KIF5C: variants seen among roughly 807,000 people sequenced by gnomAD.
KIF5C encodes kinesin heavy chain isoform 5C.
A neutral mutation model predicts 125.2 loss-of-function variants in KIF5C; 18 were observed. That is an observed-to-expected ratio of 0.14 (90% CI 0.10 to 0.21). KIF5C has a LOEUF of 0.21. Ranked by LOEUF, KIF5C falls within the 10% of genes least tolerant of loss-of-function variation. The pLI is 1.00. For missense variants in KIF5C, 780 were observed against 1,183.8 expected (o/e 0.66, Z 5.01); for synonymous variants, 405 against 434.0 (o/e 0.93, Z 0.83).
At chr2:148,884,435 T>A (rs2105038602) in intron 1 of KIF5C, 1 of 152,268 alleles carries the variant, frequency 6.6e-6, no homozygotes, top group East Asian at 1.9e-4. Flanking sequence ...CCCCCTTGAT[T>A]CCTAGACTCT....
intron 25 of KIF5C, among the ~76,000 whole-genome samples, chr2:149,019,251 G>A (rs561485514): frequency 6.6e-6 from 1 of 152,166 alleles, no homozygotes; most frequent in Non-Finnish European, 1.5e-5. Flanking sequence ...CATAGTGCCC[G>A]TATCACAGGC....
At chr2:149,020,211 G>A (rs761922807) in intron 25 of KIF5C, 3 of 152,174 alleles carry the variant, frequency 2.0e-5, no homozygotes, top group Non-Finnish European at 2.9e-5. Context: ...GGATGGATGA[G>A]AGCATCCTGC....
At chr2:148,984,899 A>T (rs57882013) in intron 15 of KIF5C, among the ~76,000 whole-genome samples, 5,511 of 152,168 alleles carry the variant, frequency 0.036, 295 homozygotes, top group African/African-American at 0.12. Context: ...CAACCAATTC[A>T]TGTGCCTCAG....
rs1290100586 is a variant in KIF5C at position 148,949,753 on chromosome 2, C to A, written c.715-86C>A. 6.7e-6 allele frequency: 10 copies of A among 1,500,502 alleles called. No homozygotes were observed. The African/African-American group carries it at 9.8e-5, about 15-fold the overall frequency. 92.9% of individuals were successfully genotyped at this position (1,500,502 alleles called of 1,614,324 possible). A position where few individuals can be genotyped will look rare whatever the true frequency, so the allele number is the denominator to read the frequency against. On this transcript the variant is annotated intron_variant, in intron 8 of 25. Transcript: ENST00000435030. ...TTTCCTTGCTTTCCAGGAGGCTGTC[C>A]CCCTTTGCCCTCGTGTGAATTTGAA...
intron 1 of KIF5C, among the ~76,000 whole-genome samples, chr2:148,890,582 AG>A (rs1681681041): frequency 1.3e-5 from 2 of 152,294 alleles, no homozygotes; most frequent in South Asian, 4.1e-4. Context: ...CTGAGTATAG[AG>A]GAGAGAGCAA....
intron 10 of KIF5C, among the ~76,000 whole-genome samples, chr2:148,960,750 G>T (rs1424424695): frequency 2.6e-5 from 4 of 152,238 alleles, no homozygotes; most frequent in African/African-American, 9.6e-5. Context: ...GATGTCATTT[G>T]CTGACAACGG....
chr2:148,895,876 C>CACA (rs1558876307), intron 1 of KIF5C, among the ~76,000 whole-genome samples: 1,299 of 27,138 alleles, frequency 0.048, 18 homozygotes, highest in African/African-American at 0.086. Context: ...ACACACACAC[C>CACA]CACAGAGATC....
chr2:149,011,387 C>T (rs1278085727), intron 24 of KIF5C, among the ~76,000 whole-genome samples, 183 bp from the exon 25 acceptor site: 3 of 152,174 alleles, frequency 2.0e-5, no homozygotes, highest in Non-Finnish European at 2.9e-5. Flanking sequence ...TATTTGGATG[C>T]CTTGGATTTG....
chr2:149,016,260 G>A (rs550061728), intron 25 of KIF5C, among the ~76,000 whole-genome samples: 1 of 152,296 alleles, frequency 6.6e-6, no homozygotes, highest in South Asian at 2.1e-4. Flanking sequence ...GGGCCACTGG[G>A]GCTGTGGGCG....
At chr2:148,947,913 C>A (rs73009506) in intron 8 of KIF5C, 319 of 456,762 alleles carry the variant, frequency 7.0e-4, no homozygotes, top group African/African-American at 5.6e-3. Flanking sequence ...ACTTATTGCA[C>A]TACATCACTG....
intron 1 of KIF5C, among the ~76,000 whole-genome samples, chr2:148,908,271 G>A (rs931462890): frequency 6.6e-6 from 1 of 152,196 alleles, no homozygotes; most frequent in Non-Finnish European, 1.5e-5. Flanking sequence ...CCCACAGTCT[G>A]CACATTCTTT....
intron 1 of KIF5C, chr2:148,878,866 G>A (rs1681268898): frequency 6.6e-6 from 1 of 152,164 alleles, no homozygotes; most frequent in South Asian, 2.1e-4. Flanking sequence ...AATTTTGGTG[G>A]AGTTATCTGT....
rs780385157 is a variant in KIF5C at position 149,010,377 on chromosome 2, G to A, written c.2767+26G>A. The A allele has an allele frequency of 5.3e-6, 8 of 1,518,036 alleles. No individual in the cohort carries two copies. The East Asian group carries it at 1.7e-4, about 32-fold the overall frequency. 94.0% of individuals were successfully genotyped at this position (1,518,036 alleles called of 1,614,324 possible). ...GTACGTGCGTGCACAGTGGCGCCCG[G>A]GGTTTGAGAAGCTACTGCGGCCTCT... On this transcript the variant is annotated intron_variant, in intron 24 of 25. Transcript: ENST00000435030.
intron 1 of KIF5C, among the ~76,000 whole-genome samples, chr2:148,904,663 T>C (rs1681034411): frequency 6.6e-6 from 1 of 152,178 alleles, no homozygotes; most frequent in Non-Finnish European, 1.5e-5. Flanking sequence ...GTTGTCTATC[T>C]TGTTTCTAGT....
At chr2:148,915,217 C>A (rs1184885047) in intron 1 of KIF5C, among the ~76,000 whole-genome samples, 2 of 152,152 alleles carry the variant, frequency 1.3e-5, no homozygotes, top group African/African-American at 2.4e-5. Context: ...CAGTGTGCGT[C>A]TCCTGTATCG....
Position 148,962,040 on chromosome 2 carries a change from T to C in KIF5C, c.1038T>C (p.Tyr346=), listed in dbSNP as rs148636726. The change falls in exon 11 of 26, where the codon TAT becomes TAC. Residue 346 remains tyrosine, a synonymous_variant. Transcript: ENST00000435030. ...ELTAEEWKKK[Y]EKEKEKNKTL... is the part of the protein sequence containing the mutation. The stretch of plus-strand genomic sequence containing the variant: ...CAGCAGAAGAATGGAAGAAGAAATA[T>C]GAAAAAGAGAAAGAGAAAAACAAGA... 457 of 1,613,840 alleles carry C rather than the reference T, an allele frequency of 2.8e-4. 1 individual carries two copies. The highest frequency in any genetic ancestry group is 1.6e-3 in the Middle Eastern group (10 of 6,062).
At chr2:149,014,064 GC>G (rs1401790812) in intron 25 of KIF5C, among the ~76,000 whole-genome samples, 1 of 152,096 alleles carries the variant, frequency 6.6e-6, no homozygotes, top group Non-Finnish European at 1.5e-5. Flanking sequence ...CACTCTTGTT[GC>G]CCAGGCTGGA....
intron 10 of KIF5C, among the ~76,000 whole-genome samples, chr2:148,957,596 A>AC (rs1269593297): frequency 7.4e-4 from 51 of 69,268 alleles, no homozygotes; most frequent in South Asian, 6.0e-3. Flanking sequence ...TTCTAGTAAA[A>AC]AAAAAAAAAA....
At chr2:148,904,112 T>C (rs1357309004) in intron 1 of KIF5C, among the ~76,000 whole-genome samples, 1 of 152,236 alleles carries the variant, frequency 6.6e-6, no homozygotes, top group African/African-American at 2.4e-5. Flanking sequence ...GCAAGAGATT[T>C]ATTTTCCCAA....
Sources: allele counts gnomAD v4.1 joint callset (sites outside exome capture counted in the v4.1 genomes callset), GRCh38; gene constraint gnomAD v4.1.1; transcripts MANE v1.5; gene names NCBI Gene and HGNC (gene_info 2026-07-23, HGNC 2026-07-21).